PCDHA1: variants seen among roughly 807,000 people sequenced by gnomAD.
The protein encoded by PCDHA1 is protocadherin alpha 1, also known as protocadherin alpha-1.
PCDHA1 carries 42 observed loss-of-function variants against 61.3 expected under a neutral mutation model. The ratio of observed to expected loss-of-function variants is 0.69; its 90% CI spans 0.54 to 0.89. The LOEUF (loss-of-function observed/expected upper bound fraction) is 0.89. Ranked by LOEUF, PCDHA1 falls within the 40% of genes least tolerant of loss-of-function variation. The probability of loss-of-function intolerance (pLI) is 0.00; values close to 1 mark genes in which losing one functional copy is unlikely to be tolerated. For missense variants in PCDHA1, 1,256 were observed against 1,235.3 expected, an observed-to-expected ratio of 1.02 and a Z score of -0.25; for synonymous variants, 610 against 553.8, an observed-to-expected ratio of 1.10 and a Z score of -1.43.
intron 1 of PCDHA1, among the ~76,000 whole-genome samples, chr5:140,789,720 C>A (rs1245310332): frequency 6.6e-6 from 1 of 151,972 alleles, no homozygotes; most frequent in African/African-American, 2.4e-5. Context: ...AAACCCTTTA[C>A]TTTTTTAGCT....
intron 3 of PCDHA1, among the ~76,000 whole-genome samples, chr5:140,983,265 T>C (rs553920702): frequency 6.6e-6 from 1 of 152,200 alleles, no homozygotes; most frequent in Non-Finnish European, 1.5e-5. Flanking sequence ...AAAAACCTAA[T>C]GGCTGGGTGA....
At chr5:140,870,001 G>A (rs782788057) in intron 1 of PCDHA1, 1 of 1,613,566 alleles carries the variant, frequency 6.2e-7, no homozygotes, top group Non-Finnish European at 8.5e-7. Flanking sequence ...AAATAATGGA[G>A]AAGTGAGGGT....
At chr5:140,882,086 A>T in intron 1 of PCDHA1, 2 of 1,056,122 alleles carry the variant, frequency 1.9e-6, no homozygotes, top group Non-Finnish European at 2.7e-6. Context: ...GTCGCTCTTC[A>T]CTGAGAACGT....
chr5:140,792,138 AT>A (rs1176957446), intron 1 of PCDHA1, among the ~76,000 whole-genome samples: 4 of 151,922 alleles, frequency 2.6e-5, no homozygotes, highest in Non-Finnish European at 4.4e-5. Flanking sequence ...TTTAGGGGAA[AT>A]TTTTTTCTTG....
At chr5:140,882,454 C>G (rs782708863) in intron 1 of PCDHA1, 12 of 1,613,934 alleles carry the variant, frequency 7.4e-6, no homozygotes, top group Non-Finnish European at 1.0e-5. Flanking sequence ...TGGTGCCGCG[C>G]CTGTTCCGGG....
At chr5:140,954,427 C>T (rs545024696) in intron 1 of PCDHA1, among the ~76,000 whole-genome samples, 1 of 152,200 alleles carries the variant, frequency 6.6e-6, no homozygotes, top group Admixed American at 6.5e-5. Context: ...CCTTTTTCTC[C>T]ATCTGTTGTT....
intron 1 of PCDHA1, chr5:140,829,736 G>C (rs2150173634): frequency 6.2e-7 from 1 of 1,613,682 alleles, no homozygotes; most frequent in Non-Finnish European, 8.5e-7. Flanking sequence ...GGGCAGCAAC[G>C]TGACGCTGCA....
intron 1 of PCDHA1, chr5:140,871,260 G>A: frequency 1.9e-6 from 3 of 1,613,980 alleles, no homozygotes; most frequent in South Asian, 1.1e-5. Flanking sequence ...TGTATACGGC[G>A]CTGTGGTGGT....
At chr5:140,862,745 A>G (rs1403297614) in intron 1 of PCDHA1, 1 of 578,200 alleles carries the variant, frequency 1.7e-6, no homozygotes, top group Non-Finnish European at 3.3e-6. Context: ...GTGTGGGTGC[A>G]CGCGGAGAGC....
At chr5:140,957,194 G>A (rs2095341106) in intron 1 of PCDHA1, among the ~76,000 whole-genome samples, 1 of 152,012 alleles carries the variant, frequency 6.6e-6, no homozygotes, top group Non-Finnish European at 1.5e-5. Context: ...TGACCGATTG[G>A]GAATATAAAT....
intron 3 of PCDHA1, among the ~76,000 whole-genome samples, chr5:140,984,149 G>C (rs2097089041): frequency 6.6e-6 from 1 of 152,198 alleles, no homozygotes; most frequent in Non-Finnish European, 1.5e-5. Context: ...CATCTGGGAA[G>C]GTGAGAACTT....
chr5:140,787,892 G>A lies in PCDHA1; in HGVS notation c.1602G>A (p.Gln534=). ...AGGAGCTGGAGCTGCTGCAGTTCCA[G>A]GTGAGCGCGCGGGATGCGGGCGTGC... The part of the protein sequence containing the change: ...DHEELELLQF[Q]VSARDAGVPP... The change falls in exon 1 of 4, where the codon CAG becomes CAA. Residue 534 remains glutamine (Q), a synonymous_variant. Transcript: ENST00000504120. 6.2e-7 allele frequency: 1 copy of A among 1,613,540 alleles called. No homozygotes were observed. The highest frequency in any genetic ancestry group is 8.5e-7 in the Non-Finnish European group (1 of 1,179,878).
chr5:140,900,063 G>A (rs1554188862), intron 1 of PCDHA1, among the ~76,000 whole-genome samples: 3 of 152,122 alleles, frequency 2.0e-5, no homozygotes, highest in African/African-American at 7.2e-5. Context: ...TTTAACCTCA[G>A]CCTCCAAAAG....
intron 1 of PCDHA1, among the ~76,000 whole-genome samples, chr5:140,933,444 A>T (rs1478759836): frequency 1.3e-5 from 2 of 152,184 alleles, no homozygotes; most frequent in African/African-American, 4.8e-5. Flanking sequence ...CTAATGACAT[A>T]CCTTCAAAAT....
At chr5:140,903,873 A>G (rs1173905704) in intron 1 of PCDHA1, among the ~76,000 whole-genome samples, 2 of 152,204 alleles carry the variant, frequency 1.3e-5, no homozygotes, top group Non-Finnish European at 2.9e-5. Context: ...GTAAAATGAC[A>G]AAGACATTGA....
At chr5:140,986,371 G>C (rs1453761888) in intron 3 of PCDHA1, among the ~76,000 whole-genome samples, 1 of 152,116 alleles carries the variant, frequency 6.6e-6, no homozygotes, top group Non-Finnish European at 1.5e-5. Flanking sequence ...AATGCGTTTT[G>C]GGGGGAGGGA....
chr5:140,795,646 A>G, intron 1 of PCDHA1: 1 of 1,614,160 alleles, frequency 6.2e-7, no homozygotes, highest in Non-Finnish European at 8.5e-7. Flanking sequence ...CACCGTTCAA[A>G]TACTTATTAA....
At chr5:140,909,926 A>G (rs781804027) in intron 1 of PCDHA1, among the ~76,000 whole-genome samples, 4 of 152,190 alleles carry the variant, frequency 2.6e-5, no homozygotes, top group Admixed American at 2.6e-4. Flanking sequence ...CCTTTCCCCA[A>G]TCACAGTTAC....
chr5:140,809,241 G>T lies in PCDHA1; in HGVS notation c.2394+20557G>T, dbSNP rs1241553010. 4 of 1,613,960 alleles carry T rather than the reference G, an allele frequency of 2.5e-6. No individual in the cohort carries two copies. In the African/African-American group the frequency reaches 5.3e-5, roughly 22 times the overall value. ...AAGGCCTCCTCACGGGCGTTGGTGG[G>T]CGCTGTGGGTCCCGATGCTGCGCTG... On this transcript the variant is annotated intron_variant, in intron 1 of 3. Coordinates refer to ENST00000504120, the MANE Select transcript of PCDHA1 (RefSeq NM_018900.4).
Sources: gnomAD v4.1 joint callset for allele counts (sites outside exome capture counted in the v4.1 genomes callset) on GRCh38, gnomAD v4.1.1 for gene constraint, MANE v1.5 for transcripts, NCBI Gene and HGNC (gene_info 2026-07-23, HGNC 2026-07-21) for gene names.